Variants in MYL3 observed in about 807,000 individuals in gnomAD.
The protein encoded by MYL3 is CMLC1.
Under a neutral mutation model 21.3 loss-of-function variants are expected in MYL3, and 11 were observed. That is an observed-to-expected ratio of 0.52 (90% confidence interval 0.32 to 0.85). The LOEUF (loss-of-function observed/expected upper bound fraction) is 0.85, where lower values mean the gene tolerates loss of function less well. Ranked by LOEUF, MYL3 falls within the 40% of genes least tolerant of loss-of-function variation. The probability of loss-of-function intolerance (pLI) is 0.03; values close to 1 mark genes in which losing one functional copy is unlikely to be tolerated. For missense variants in MYL3, 206 were observed against 253.3 expected (o/e 0.81, Z 1.27); for synonymous variants, 88 against 91.6 (o/e 0.96, Z 0.22).
upstream of MYL3, among the ~76,000 whole-genome samples, chr3:46,864,771 G>A (rs963622540): frequency 3.3e-5 from 5 of 152,240 alleles, no homozygotes; most frequent in East Asian, 7.7e-4. This position sits in a 1 kb window ranked among gnomAD's most constrained non-coding sequence, Gnocchi z 4.7. Flanking sequence ...TGCAGTGCCC[G>A]GCCCCCAGGG....
At chr3:46,858,579 C>CT in intron 4 of MYL3, 118 bp from the exon 5 acceptor site, 1 of 984,864 alleles carries the variant, frequency 1.0e-6, no homozygotes, top group South Asian at 1.4e-5. Flanking sequence ...ACAACCAGCA[C>CT]TGTTCACAAG....
rs932927016 is a variant in MYL3 at position 46,874,124 on chromosome 3, G to A, written c.-217-7524C>T. 6.6e-6 allele frequency among the ~76,000 whole-genome samples: 1 copy of A among 152,176 alleles called. No individual in the cohort carries two copies. Among genetic ancestry groups the A allele is most frequent in the South Asian group, 2.1e-4 (1 of 4,830 alleles). On this transcript the variant is annotated intron_variant, in intron 1 of 3. Transcript: ENST00000431168. The surrounding 1 kb of genome is among the most constrained non-coding windows in gnomAD (Gnocchi z 4.1). Reference sequence around the variant, plus strand: ...CTCTGGCATGCCATTGCCCTTCTCTGGATGTCGCTTTCCCATACACGGTTT... The same window carrying A: ...CTCTGGCATGCCATTGCCCTTCTCTAGATGTCGCTTTCCCATACACGGTTT...
chr3:46,879,393 GA>G lies in MYL3; in HGVS notation c.-218+2680del, dbSNP rs1273101138. Among the ~76,000 whole-genome samples the G allele has an allele frequency of 2.0e-5, 3 of 152,186 alleles. No individual in the cohort carries two copies. In the East Asian group the frequency reaches 5.8e-4, roughly 29 times the overall value. ...ATGTTCTTTTCTCATCACCAAGGGG[GA>G]AAGCAGGGTGGAAGATCAGTGGTCA... On this transcript the variant is annotated intron_variant, in intron 1 of 3. Transcript: ENST00000431168. This position sits in a 1 kb window ranked among gnomAD's most constrained non-coding sequence, Gnocchi z 4.7.
At position 46,860,648 on chromosome 3, in the gene MYL3, T is replaced by C. The variant is rs745968655; in HGVS notation, c.307+28A>G. 3.7e-6 allele frequency: 6 copies of C among 1,611,442 alleles called. No homozygotes were observed. Among genetic ancestry groups the C allele is most frequent in the South Asian group, 1.1e-5 (1 of 91,056 alleles). On this transcript the variant is annotated intron_variant, in intron 3 of 6. Transcript: ENST00000292327. The surrounding 1 kb of genome is among the most constrained non-coding windows in gnomAD (Gnocchi z 4.6). ...CAGCCAGTCTCCCCGGTACTAACACTATGGGGGCTCTCGGGCAGGTGCACT... is the reference window on the plus strand; with the variant it reads ...CAGCCAGTCTCCCCGGTACTAACACCATGGGGGCTCTCGGGCAGGTGCACT...
At chr3:46,869,135 G>A (rs866391409) in intron 1 of MYL3, among the ~76,000 whole-genome samples, 9 of 152,144 alleles carry the variant, frequency 5.9e-5, no homozygotes, top group South Asian at 2.1e-4. Context: ...CCCACAGCAT[G>A]GCCTGTGGCC....
Position 46,861,192 on chromosome 3 carries a change from C to T in MYL3, c.130-205G>A, listed in dbSNP as rs1325696428. On this transcript the variant is annotated intron_variant, in intron 1 of 6. Transcript: ENST00000292327. The surrounding 1 kb of genome is among the most constrained non-coding windows in gnomAD (Gnocchi z 4.2). ...CCCTCCACCTCTCCAGCCAGAAGGC[C>T]TTGAGGCTGTGTGCACCGAGGCCCT... Among the ~76,000 whole-genome samples the T allele has an allele frequency of 1.3e-5, 2 of 152,118 alleles. No individual in the cohort carries two copies. The highest frequency in any genetic ancestry group is 2.9e-5 in the Non-Finnish European group (2 of 68,000).
chr3:46,859,456 G>A lies in MYL3; in HGVS notation c.481+19C>T, dbSNP rs1375552847. 1.2e-6 allele frequency: 2 copies of A among 1,613,906 alleles called. No homozygotes were observed. Among genetic ancestry groups the A allele is most frequent in the Admixed American group, 3.3e-5 (2 of 60,030 alleles). ...ATGTCCCTGGAAGGAGTTGGGGTAG[G>A]GGAGGAGGCTGCCCTCACCCAGCGT... On this transcript the variant is annotated intron_variant, in intron 4 of 6. Coordinates refer to ENST00000292327, the MANE Select transcript of MYL3 (RefSeq NM_000258.3). The surrounding 1 kb of genome is among the most constrained non-coding windows in gnomAD (Gnocchi z 4.1).
chr3:46,868,462 T>C (rs1269932404), intron 1 of MYL3, among the ~76,000 whole-genome samples: 1 of 152,102 alleles, frequency 6.6e-6, no homozygotes, highest in Non-Finnish European at 1.5e-5. Context: ...TCCAACCTTG[T>C]GGTTCTAGGG....
rs77221239 is a variant in MYL3 at position 46,861,309 on chromosome 3, G to T, written c.130-322C>A. The stretch of plus-strand genomic sequence containing the variant: ...AGCGTGGGCCTTACCTGATGCTCCC[G>T]GTTCTGGACAGATGTACCTTAAGCC... On this transcript the variant is annotated intron_variant, in intron 1 of 6. Transcript: ENST00000292327. The surrounding 1 kb of genome is among the most constrained non-coding windows in gnomAD (Gnocchi z 4.2). 5.1e-3 allele frequency among the ~76,000 whole-genome samples: 778 copies of T among 152,296 alleles called. 11 individuals are homozygous for T. The highest frequency in any genetic ancestry group is 0.018 in the African/African-American group (751 of 41,558).
chr3:46,859,736 C>A lies in MYL3; in HGVS notation c.308-88G>T, dbSNP rs1424930952. Reference sequence around the variant, plus strand: ...GCCTGATAATGAGGAGCTATCCCCACCTCTCACACAGTTCTACAACAGTCT... The same window carrying A: ...GCCTGATAATGAGGAGCTATCCCCAACTCTCACACAGTTCTACAACAGTCT... On this transcript the variant is annotated intron_variant, in intron 3 of 6. Coordinates refer to ENST00000292327, the MANE Select transcript of MYL3 (RefSeq NM_000258.3). The surrounding 1 kb of genome is among the most constrained non-coding windows in gnomAD (Gnocchi z 4.1). The A allele has an allele frequency of 1.4e-6, 2 of 1,446,078 alleles. No individual in the cohort carries two copies. The highest frequency in any genetic ancestry group is 1.9e-6 in the Non-Finnish European group (2 of 1,029,512). The allele number at this position is 1,446,078 out of a possible 1,614,324, so 89.6% of individuals were successfully genotyped here. A position where few individuals can be genotyped will look rare whatever the true frequency, so the allele number is the denominator to read the frequency against.
upstream of MYL3, among the ~76,000 whole-genome samples, chr3:46,864,360 G>A (rs1475533631): frequency 2.0e-5 from 3 of 152,074 alleles, no homozygotes; most frequent in African/African-American, 7.2e-5. This position sits in a 1 kb window ranked among gnomAD's most constrained non-coding sequence, Gnocchi z 4.7. Flanking sequence ...TAGGGCAGTC[G>A]CCCCAGGCCA....
upstream of MYL3, among the ~76,000 whole-genome samples, chr3:46,864,407 G>A (rs914583828): frequency 2.6e-5 from 4 of 152,054 alleles, no homozygotes; most frequent in Non-Finnish European, 2.9e-5. The surrounding 1 kb of genome is among the most constrained non-coding windows in gnomAD (Gnocchi z 4.7). Context: ...TGCTGGCCCA[G>A]GGACCAGTTT....
At chr3:46,863,019 G>A (rs1206277338) in intron 1 of MYL3, among the ~76,000 whole-genome samples, 1 of 152,224 alleles carries the variant, frequency 6.6e-6, no homozygotes. Flanking sequence ...TCAAACCCCA[G>A]TCTAGACTCC....
At chr3:46,878,535 T>C (rs2030369735) in intron 1 of MYL3, among the ~76,000 whole-genome samples, 1 of 152,180 alleles carries the variant, frequency 6.6e-6, no homozygotes, top group African/African-American at 2.4e-5. Flanking sequence ...GGGGCTAGTG[T>C]TGGGATGAAG....
In MYL3 at chr3:46,874,182, C is replaced by T. The variant is rs1360736545; in HGVS notation, c.-217-7582G>A. Reference sequence around the variant, plus strand: ...TTCCCTGAGTGCTTCCCCTCTCCAGCCAGTTCAGCCAATGTCCACGGTGCC... The same window carrying T: ...TTCCCTGAGTGCTTCCCCTCTCCAGTCAGTTCAGCCAATGTCCACGGTGCC... On this transcript the variant is annotated intron_variant, in intron 1 of 3. Coordinates refer to the MYL3 transcript ENST00000431168. This position sits in a 1 kb window ranked among gnomAD's most constrained non-coding sequence, Gnocchi z 4.1. 6.6e-6 allele frequency among the ~76,000 whole-genome samples: 1 copy of T among 152,212 alleles called. No individual in the cohort carries two copies. The highest frequency in any genetic ancestry group is 2.1e-4 in the South Asian group (1 of 4,832).
rs1701948845 is a variant in MYL3 at position 46,858,097 on chromosome 3, G to C, written c.*18C>G. On this transcript the variant is annotated 3_prime_UTR_variant, in exon 7 of 7. Transcript: ENST00000292327. ...GACGTCCCTGCACAGCCTTCCCTGGGCTTCCTGAGAGCAAAGGCAGTGCAG... is the reference window on the plus strand; with the variant it reads ...GACGTCCCTGCACAGCCTTCCCTGGCCTTCCTGAGAGCAAAGGCAGTGCAG... 2 of 1,057,028 alleles carry C rather than the reference G, an allele frequency of 1.9e-6. No homozygotes were observed. Among genetic ancestry groups the C allele is most frequent in the Non-Finnish European group, 2.9e-6 (2 of 689,566 alleles). The allele number at this position is 1,057,028 out of a possible 1,614,324, so 65.5% of individuals were successfully genotyped here.
chr3:46,872,621 G>A (rs2029979533), intron 1 of MYL3, among the ~76,000 whole-genome samples: 2 of 152,358 alleles, frequency 1.3e-5, no homozygotes, highest in South Asian at 4.1e-4. Context: ...CCAGAGAGAG[G>A]ACATGCCAGT....
chr3:46,859,626 G>T lies in MYL3; in HGVS notation c.330C>A (p.Asp110Glu). ...GGAGCATAGGCAGGAAAGTTTCAAA[G>T]TCCATCATCTTGGTATTGAGCTCTG... ...RQEELNTKMM[D>E]FETFLPMLQH... Residue 110 changes from aspartate (D) to glutamate (E), a missense_variant, in exon 4 of 7, where the codon GAC becomes GAA. Transcript: ENST00000292327. The surrounding 1 kb of genome is among the most constrained non-coding windows in gnomAD (Gnocchi z 4.1). The T allele has an allele frequency of 1.2e-6, 2 of 1,614,224 alleles. No homozygotes were observed. Among genetic ancestry groups the T allele is most frequent in the Non-Finnish European group, 1.7e-6 (2 of 1,180,042 alleles).
At chr3:46,864,542 C>A (rs1347613067), upstream of MYL3, among the ~76,000 whole-genome samples, 1 of 152,144 alleles carries the variant, frequency 6.6e-6, no homozygotes, top group Non-Finnish European at 1.5e-5. This position sits in a 1 kb window ranked among gnomAD's most constrained non-coding sequence, Gnocchi z 4.7. Context: ...GCCCCCTCTG[C>A]CTGACATATT....
Sources: allele counts gnomAD v4.1 joint callset (sites outside exome capture counted in the v4.1 genomes callset), GRCh38; gene constraint gnomAD v4.1.1; non-coding constraint Gnocchi (gnomAD v3.1); transcripts MANE v1.5; gene names NCBI Gene and HGNC (gene_info 2026-07-23, HGNC 2026-07-21).